Variants in WDR70 observed in about 807,000 individuals in gnomAD.
The protein encoded by WDR70 is WD repeat-containing protein 70.
Under a neutral mutation model 88.6 loss-of-function variants are expected in WDR70, and 53 were observed. The ratio of observed to expected loss-of-function variants is 0.60; its 90% confidence interval spans 0.48 to 0.75. The LOEUF (loss-of-function observed/expected upper bound fraction) is 0.75, where lower values mean the gene tolerates loss of function less well. Ranked by LOEUF, WDR70 falls within the 30% of genes least tolerant of loss-of-function variation. The pLI is 0.00. For synonymous variants in WDR70, 280 were observed against 270.0 expected, an observed-to-expected ratio of 1.04 and a Z score of -0.36; for missense variants, 610 against 823.2, an observed-to-expected ratio of 0.74 and a Z score of 3.17.
chr5:37,485,329 A>G (rs1739825351), intron 8 of WDR70, among the ~76,000 whole-genome samples: 1 of 152,174 alleles, frequency 6.6e-6, no homozygotes, highest in South Asian at 2.1e-4. Flanking sequence ...TACTCACAGC[A>G]CTTTCATAGT....
At chr5:37,606,260 T>C (rs1388939531) in intron 10 of WDR70, among the ~76,000 whole-genome samples, 1 of 152,346 alleles carries the variant, frequency 6.6e-6, no homozygotes, top group East Asian at 1.9e-4. Flanking sequence ...GAAAATATCT[T>C]TGGCATTTTC....
chr5:37,528,444 A>G (rs375892436), intron 9 of WDR70, among the ~76,000 whole-genome samples: 29 of 152,228 alleles, frequency 1.9e-4, no homozygotes, highest in Non-Finnish European at 3.7e-4. Context: ...ACCCTTGGAC[A>G]CAGGAAGGGG....
At chr5:37,499,114 C>T (rs932685374) in intron 8 of WDR70, among the ~76,000 whole-genome samples, 2 of 151,290 alleles carry the variant, frequency 1.3e-5, no homozygotes, top group African/African-American at 2.4e-5. Context: ...TCATGTTTGT[C>T]ATTCTTTTTT....
chr5:37,674,545 C>T (rs545361462), intron 10 of WDR70, among the ~76,000 whole-genome samples: 2 of 152,240 alleles, frequency 1.3e-5, no homozygotes, highest in African/African-American at 4.8e-5. Context: ...ATCCATGTCC[C>T]TACAAAGGAC....
At chr5:37,499,510 G>C (rs1289468466) in intron 8 of WDR70, among the ~76,000 whole-genome samples, 1 of 147,306 alleles carries the variant, frequency 6.8e-6, no homozygotes, top group Non-Finnish European at 1.5e-5. Context: ...TTTTGTTAAT[G>C]TTTGTTTTTC....
chr5:37,547,943 C>A (rs1045068844), intron 9 of WDR70, among the ~76,000 whole-genome samples: 1 of 152,138 alleles, frequency 6.6e-6, no homozygotes, highest in African/African-American at 2.4e-5. Context: ...TAATTAACCC[C>A]AGTTCCATCC....
At chr5:37,729,878 C>T (rs1748094785) in intron 17 of WDR70, among the ~76,000 whole-genome samples, 1 of 152,230 alleles carries the variant, frequency 6.6e-6, no homozygotes, top group South Asian at 2.1e-4. Context: ...TTTTCCTATT[C>T]CCAGTCCCCC....
At chr5:37,447,160 T>G (rs573233796) in intron 7 of WDR70, among the ~76,000 whole-genome samples, 1 of 152,286 alleles carries the variant, frequency 6.6e-6, no homozygotes, top group African/African-American at 2.4e-5. Flanking sequence ...AAGAAGACAT[T>G]TGTGCAGCCA....
At chr5:37,642,498 A>G (rs2083040699) in intron 10 of WDR70, among the ~76,000 whole-genome samples, 1 of 152,198 alleles carries the variant, frequency 6.6e-6, no homozygotes, top group South Asian at 2.1e-4. Context: ...ACATCAGGGT[A>G]AATGGGATAT....
At chr5:37,704,873 A>G (rs1406772959) in intron 13 of WDR70, among the ~76,000 whole-genome samples, 1 of 127,586 alleles carries the variant, frequency 7.8e-6, no homozygotes, top group African/African-American at 2.6e-5. Context: ...GAAGATGACT[A>G]TCTTGTGTCT....
intron 9 of WDR70, among the ~76,000 whole-genome samples, chr5:37,526,183 A>T (rs1356664960): frequency 2.0e-5 from 3 of 152,192 alleles, no homozygotes; most frequent in African/African-American, 7.2e-5. Flanking sequence ...ACAACAAAAA[A>T]AGAGAATTTT....
intron 8 of WDR70, among the ~76,000 whole-genome samples, chr5:37,507,022 C>T (rs1740581097): frequency 6.6e-6 from 1 of 152,184 alleles, no homozygotes; most frequent in Non-Finnish European, 1.5e-5. Flanking sequence ...CTCTGTCCCA[C>T]ACCCAGGGCT....
intron 17 of WDR70, among the ~76,000 whole-genome samples, chr5:37,740,605 GGCC>G (rs1157310688): frequency 6.6e-6 from 1 of 152,116 alleles, no homozygotes; most frequent in African/African-American, 2.4e-5. Context: ...TCCTTCTGTG[GGCC>G]ATACTTTGCT....
intron 10 of WDR70, among the ~76,000 whole-genome samples, chr5:37,631,948 C>T (rs1561930287): frequency 6.6e-6 from 1 of 152,176 alleles, no homozygotes; most frequent in Admixed American, 6.5e-5. Flanking sequence ...AGGGGACATA[C>T]TGCAAAGATA....
chr5:37,741,742 G>A (rs145487202), intron 17 of WDR70, among the ~76,000 whole-genome samples: 5 of 152,200 alleles, frequency 3.3e-5, no homozygotes, highest in Non-Finnish European at 5.9e-5. Flanking sequence ...GTTGGGGACC[G>A]CCTGCATTAA....
chr5:37,752,430 T>C (rs1257618207), intron 17 of WDR70, 56 bp from the exon 18 acceptor site: 1 of 1,379,284 alleles, frequency 7.3e-7, no homozygotes, highest in Non-Finnish European at 1.0e-6. Flanking sequence ...CAAAATCTAA[T>C]GTAACAAATA....
chr5:37,488,857 G>A (rs1380901722), intron 8 of WDR70, among the ~76,000 whole-genome samples: 1 of 152,008 alleles, frequency 6.6e-6, no homozygotes, highest in African/African-American at 2.4e-5. Context: ...ACTTTTCCTT[G>A]CTTTTTTGTG....
chr5:37,387,649 GTTT>G (rs35840030), intron 3 of WDR70, among the ~76,000 whole-genome samples: 3 of 146,218 alleles, frequency 2.1e-5, no homozygotes, highest in African/African-American at 2.5e-5. Flanking sequence ...ATTCATAAGA[GTTT>G]TTTTTTTTTT....
chr5:37,526,389 T>C (rs1741273619), intron 9 of WDR70, among the ~76,000 whole-genome samples: 1 of 152,200 alleles, frequency 6.6e-6, no homozygotes, highest in African/African-American at 2.4e-5. Flanking sequence ...AACCACATGA[T>C]TATCTCAATA....
Sources: allele counts gnomAD v4.1 joint callset (sites outside exome capture counted in the v4.1 genomes callset), GRCh38; gene constraint gnomAD v4.1.1; transcripts MANE v1.5; gene names NCBI Gene and HGNC (gene_info 2026-07-23, HGNC 2026-07-21).